Variants in DNAH5 observed in about 807,000 individuals in gnomAD.
DNAH5 encodes dynein axonemal heavy chain 5, also known as axonemal beta dynein heavy chain 5.
A neutral mutation model predicts 518.2 loss-of-function variants in DNAH5; 372 were observed. The observed-to-expected ratio is 0.72, with a 90% confidence interval of 0.66 to 0.78. The LOEUF (loss-of-function observed/expected upper bound fraction) is 0.78. DNAH5 is among the 30% of genes least tolerant of loss of function. The probability of loss-of-function intolerance (pLI) is 0.00; values close to 1 mark genes in which losing one functional copy is unlikely to be tolerated. For missense variants in DNAH5, 5,523 were observed against 5,687.0 expected, an observed-to-expected ratio of 0.97 and a Z score of 0.93; for synonymous variants, 2,039 against 2,025.9, an observed-to-expected ratio of 1.01 and a Z score of -0.17.
Position 13,913,828 on chromosome 5 carries a change from A to C in DNAH5, c.1451T>G (p.Ile484Arg). Residue 484 changes from isoleucine (I) to arginine (R), a missense_variant, in exon 11 of 79, where the codon ATA becomes AGA. Physicochemically the swap from Ile to Arg is moderately conservative, Grantham distance 97. Around this residue, in one of 3 missense-constraint regions of DNAH5, gnomAD observed 5,121 missense variants for 5,223.3 expected, o/e 0.98. Coordinates refer to ENST00000265104, the MANE Select transcript of DNAH5 (RefSeq NM_001369.3). ...ETFHRRLAKI[I>R]DIFTTLKTYS... ...CGTCTTGAGGGTTGTAAAGATGTCT[A>C]TTATCTTGGCAAGGCGTCGGTGAAA... is the stretch of plus-strand genomic sequence containing the variant. 1.2e-6 allele frequency: 2 copies of C among 1,613,678 alleles called. No homozygotes were observed. Among genetic ancestry groups the C allele is most frequent in the Non-Finnish European group, 1.7e-6 (2 of 1,179,640 alleles).
At chr5:13,873,902 C>T (rs980465669) in intron 22 of DNAH5, among the ~76,000 whole-genome samples, 12 of 152,114 alleles carry the variant, frequency 7.9e-5, no homozygotes, top group African/African-American at 2.9e-4. Flanking sequence ...ACAAATTTAG[C>T]TGATAAAGAA....
intron 21 of DNAH5, among the ~76,000 whole-genome samples, chr5:13,880,294 G>A (rs1454513587): frequency 6.6e-6 from 1 of 152,156 alleles, no homozygotes; most frequent in Non-Finnish European, 1.5e-5. Flanking sequence ...TGCAGGAAAT[G>A]CTAAATGGAG....
At chr5:13,774,144 G>A (rs1753741795) in intron 55 of DNAH5, among the ~76,000 whole-genome samples, 1 of 152,158 alleles carries the variant, frequency 6.6e-6, no homozygotes, top group African/African-American at 2.4e-5. Flanking sequence ...ATGTGAGATG[G>A]ATGGGGGACA....
intron 47 of DNAH5, among the ~76,000 whole-genome samples, chr5:13,799,916 T>G (rs1758470077): frequency 6.6e-6 from 1 of 152,216 alleles, no homozygotes. Context: ...TTTATATGTT[T>G]ACTTACATTT....
intron 53 of DNAH5, 118 bp from the exon 54 acceptor site, chr5:13,777,473 A>G: frequency 1.3e-6 from 1 of 771,068 alleles, no homozygotes; most frequent in Non-Finnish European, 2.2e-6. Context: ...GTTCTATCGT[A>G]TACGTATGTA....
chr5:13,692,062 G>A lies in DNAH5; in HGVS notation c.13797C>T (p.Ala4599=), dbSNP rs375643128. ...KPVRTDLNYI[A]AVDLRTAQTP... is the part of the protein sequence containing the mutation. ...TCTGGGCTGTCCTGAGATCCACAGC[G>A]GCAATGTAGTTCAAGTCCGTTCGAA... The change falls in exon 79 of 79, where the codon GCC becomes GCT. Residue 4599 remains alanine (A), a synonymous_variant. Transcript: ENST00000265104. The A allele has an allele frequency of 7.4e-6, 12 of 1,613,978 alleles. No homozygotes were observed. The East Asian group carries it at 1.3e-4, about 18-fold the overall frequency.
intron 55 of DNAH5, among the ~76,000 whole-genome samples, chr5:13,772,018 A>G (rs186864868): frequency 4.6e-5 from 7 of 152,284 alleles, no homozygotes; most frequent in African/African-American, 1.2e-4. Flanking sequence ...AAAACAGTTT[A>G]CCATATACCA....
chr5:13,696,081 A>C (rs181869112), intron 78 of DNAH5, among the ~76,000 whole-genome samples: 2 of 152,320 alleles, frequency 1.3e-5, no homozygotes, highest in East Asian at 3.9e-4. Context: ...GCACAGTCTC[A>C]GGTCAGAATG....
At chr5:14,000,371 A>G (rs753035388) in intron 1 of DNAH5, among the ~76,000 whole-genome samples, 1 of 152,214 alleles carries the variant, frequency 6.6e-6, no homozygotes, top group Non-Finnish European at 1.5e-5. Flanking sequence ...CAACACCTGG[A>G]TTTCAGCTCC....
chr5:13,747,937 T>A (rs1270805873), intron 65 of DNAH5, among the ~76,000 whole-genome samples: 1 of 152,182 alleles, frequency 6.6e-6, no homozygotes, highest in African/African-American at 2.4e-5. Context: ...GGTGTTTTAG[T>A]CATGAAGTCC....
intron 46 of DNAH5, among the ~76,000 whole-genome samples, 199 bp from the exon 47 acceptor site, chr5:13,807,924 T>A (rs1480751949): frequency 6.6e-6 from 1 of 151,942 alleles, no homozygotes; most frequent in Non-Finnish European, 1.5e-5. Context: ...CTAACTCGTG[T>A]CCTTATAAGA....
intron 76 of DNAH5, among the ~76,000 whole-genome samples, chr5:13,702,537 G>A (rs1190757036): frequency 2.0e-5 from 3 of 152,200 alleles, no homozygotes; most frequent in African/African-American, 7.2e-5. Context: ...CTACCGAGGT[G>A]GGTGATCTGG....
At chr5:13,829,903 A>C (rs200533533) in intron 37 of DNAH5, 123 bp downstream of exon 37, 2 of 457,784 alleles carry the variant, frequency 4.4e-6, no homozygotes, top group Non-Finnish European at 3.2e-6. Context: ...AAAGGTTTTC[A>C]AAAGGAGGTA....
At chr5:14,011,778 G>C (rs1370669517) in exon 1 of DNAH5, among the ~76,000 whole-genome samples, 1 of 152,192 alleles carries the variant, frequency 6.6e-6, no homozygotes, top group African/African-American at 2.4e-5. Context: ...AGGCCGCCCG[G>C]CTAGCCGGCT....
intron 1 of DNAH5, among the ~76,000 whole-genome samples, chr5:13,998,155 A>G (rs762007382): frequency 2.0e-5 from 3 of 152,056 alleles, no homozygotes; most frequent in Admixed American, 6.6e-5. Flanking sequence ...ATTTCTCACA[A>G]TTCTAGAGGC....
At chr5:13,894,512 C>T in intron 16 of DNAH5, 138 bp downstream of exon 16, 1 of 901,850 alleles carries the variant, frequency 1.1e-6, no homozygotes, top group Non-Finnish European at 1.7e-6. Flanking sequence ...TGTTTTGGAA[C>T]ACTTCCTTAT....
chr5:13,753,591 T>C (rs1247195543), intron 62 of DNAH5, 42 bp from the exon 63 acceptor site: 2 of 1,516,328 alleles, frequency 1.3e-6, no homozygotes, highest in East Asian at 2.3e-5. Flanking sequence ...TTTACGTTCA[T>C]CCGTGTGATT....
intron 16 of DNAH5, among the ~76,000 whole-genome samples, 170 bp downstream of exon 16, chr5:13,894,480 C>T (rs534616654): frequency 1.2e-4 from 18 of 152,202 alleles, no homozygotes; most frequent in Admixed American, 3.3e-4. Flanking sequence ...TTTATAGTTT[C>T]CAGGAAATTA....
chr5:13,967,280 T>C (rs946308203), intron 1 of DNAH5, among the ~76,000 whole-genome samples: 7 of 152,224 alleles, frequency 4.6e-5, no homozygotes, highest in African/African-American at 1.4e-4. Flanking sequence ...GTTTTTCCAA[T>C]GTTATCTTCT....
Sources: allele counts gnomAD v4.1 joint callset (sites outside exome capture counted in the v4.1 genomes callset), GRCh38; gene constraint gnomAD v4.1.1; regional missense constraint gnomAD v4.1.1; transcripts MANE v1.5; gene names NCBI Gene and HGNC (gene_info 2026-07-23, HGNC 2026-07-21).